SASS6: variants seen among roughly 807,000 people sequenced by gnomAD.
SASS6 encodes SAS-6 centriolar assembly protein.
Under a neutral mutation model 94.9 loss-of-function variants are expected in SASS6, and 59 were observed. The ratio of observed to expected loss-of-function variants is 0.62; its 90% CI spans 0.50 to 0.77. The LOEUF (loss-of-function observed/expected upper bound fraction) is 0.77, where lower values mean the gene tolerates loss of function less well. Ranked by LOEUF, SASS6 falls within the 30% of genes least tolerant of loss-of-function variation. The pLI is 0.00. For synonymous variants in SASS6, 264 were observed against 270.0 expected (o/e 0.98, Z 0.22); for missense variants, 698 against 734.1 (o/e 0.95, Z 0.57).
Position 100,121,500 on chromosome 1 carries a change from C to G in SASS6, c.361G>C (p.Ala121Pro), listed in dbSNP as rs1386972714. ...SPAAILDNSP[A>P]FLNVVETNPF... ...TTTGTCTCTACCACATTTAAAAATGCAGGTGAGTTATCCAAAATAGCTGCT... is the reference window on the plus strand; with the variant it reads ...TTTGTCTCTACCACATTTAAAAATGGAGGTGAGTTATCCAAAATAGCTGCT... The change falls in exon 5 of 17, where the codon GCA (alanine) becomes CCA (proline). Residue 121 changes from alanine to proline, a missense_variant. Coordinates refer to ENST00000287482, the MANE Select transcript of SASS6 (RefSeq NM_194292.3). 6.3e-7 allele frequency: 1 copy of G among 1,598,596 alleles called. No homozygotes were observed.
chr1:100,088,728 A>G (rs1312294011), intron 14 of SASS6, among the ~76,000 whole-genome samples: 1 of 151,978 alleles, frequency 6.6e-6, no homozygotes, highest in African/African-American at 2.4e-5. Context: ...GTAGTCCCAG[A>G]TATATGAGAG....
At chr1:100,117,228 G>GTTGCAA (rs1263315277) in intron 7 of SASS6, among the ~76,000 whole-genome samples, 2 of 150,890 alleles carry the variant, frequency 1.3e-5, no homozygotes, top group African/African-American at 2.4e-5. Context: ...GGAGGCAAAG[G>GTTGCAA]TTGCAATGAG....
At chr1:100,105,532 AAAAAC>A (rs1053664209) in intron 13 of SASS6, among the ~76,000 whole-genome samples, 4 of 152,224 alleles carry the variant, frequency 2.6e-5, no homozygotes, top group African/African-American at 4.8e-5. Context: ...ATCTCAAAAA[AAAAAC>A]AAAACAAAAC....
At chr1:100,107,120 G>A (rs1446578400) in intron 11 of SASS6, 127 bp from the exon 12 acceptor site, 1 of 606,816 alleles carries the variant, frequency 1.6e-6, no homozygotes, top group Non-Finnish European at 2.9e-6. Context: ...TGAGAATAAA[G>A]GAATTAGCTC....
In SASS6 at chr1:100,121,513, C is replaced by T. The variant is rs1654196596; in HGVS notation, c.348G>A (p.Leu116=). ...CATTTAAAAATGCAGGTGAGTTATC[C>T]AAAATAGCTGCTGGAGAAACTAACT... ...LLQLVSPAAI[L]DNSPAFLNVV... Residue 116 remains leucine (L), a synonymous_variant, in exon 5 of 17, where the codon TTG becomes TTA. Transcript: ENST00000287482. The T allele has an allele frequency of 1.3e-6, 2 of 1,599,166 alleles. No individual in the cohort carries two copies. The highest frequency in any genetic ancestry group is 1.7e-6 in the Non-Finnish European group (2 of 1,171,080).
chr1:100,117,914 GAAGA>G (rs1400636401), intron 7 of SASS6, among the ~76,000 whole-genome samples: 1 of 148,932 alleles, frequency 6.7e-6, no homozygotes, highest in Non-Finnish European at 1.5e-5. Flanking sequence ...ATAATCCATA[GAAGA>G]AATAAAAATG....
At chr1:100,092,931 A>T (rs1254109090) in intron 14 of SASS6, among the ~76,000 whole-genome samples, 2 of 152,120 alleles carry the variant, frequency 1.3e-5, no homozygotes, top group East Asian at 1.9e-4. Context: ...AGATTGTCTG[A>T]TAATGTCTCC....
chr1:100,112,566 T>C (rs1322614359), intron 7 of SASS6, among the ~76,000 whole-genome samples: 1 of 152,172 alleles, frequency 6.6e-6, no homozygotes, highest in Admixed American at 6.5e-5. Context: ...CCTATTAAAA[T>C]GCCTTAAAGA....
Position 100,088,166 on chromosome 1 carries a change from C to T in SASS6, c.1745G>A (p.Ser582Asn). The T allele has an allele frequency of 1.3e-6, 2 of 1,599,810 alleles. No individual in the cohort carries two copies. Among genetic ancestry groups the T allele is most frequent in the Non-Finnish European group, 1.7e-6 (2 of 1,167,342 alleles). ...TTCCTTATCAGTTGAGCAAGGCATA[C>T]TAATAGTTGCTCCTGACTGAACATC... ...LGDVQSGATI[S>N]MPCSTDKENG... The change falls in exon 15 of 17, where the codon AGT becomes AAT. Residue 582 changes from serine (S) to asparagine (N), a missense_variant. Coordinates refer to ENST00000287482, the MANE Select transcript of SASS6 (RefSeq NM_194292.3).
At chr1:100,088,005 T>G (rs1348388045) in intron 15 of SASS6, 134 bp downstream of exon 15, 6 of 491,578 alleles carry the variant, frequency 1.2e-5, no homozygotes, top group Non-Finnish European at 2.2e-5. Flanking sequence ...TAATTCAACT[T>G]AAATTCCAAT....
chr1:100,105,973 T>A, intron 12 of SASS6, 70 bp from the exon 13 acceptor site: 1 of 1,003,236 alleles, frequency 1.0e-6, no homozygotes, highest in Non-Finnish European at 1.4e-6. Context: ...CTTAAACATT[T>A]AAAAATTATA....
Position 100,110,415 on chromosome 1 carries a change from G to A in SASS6, c.738C>T (p.Asn246=). The change falls in exon 8 of 17, where the codon AAC becomes AAT. Residue 246 remains asparagine (N), a synonymous_variant. Coordinates refer to ENST00000287482, the MANE Select transcript of SASS6 (RefSeq NM_194292.3). ...ACAGTCTGTTTTGTAGCTGGTGGAT[G>A]TTTTGTTGATGGAGGATTTCTAAAT... ...KKDLEILHQQ[N]IHQLQNRLSE... The A allele has an allele frequency of 1.9e-6, 3 of 1,611,170 alleles. No homozygotes were observed. The highest frequency in any genetic ancestry group is 2.5e-6 in the Non-Finnish European group (3 of 1,177,746).
At position 100,122,547 on chromosome 1, in the gene SASS6, G is replaced by GT. The variant is rs1360471500; in HGVS notation, c.207-64_207-63insA. The stretch of plus-strand genomic sequence containing the variant: ...TTAATTAACTTTGTTTTGTTTTGGT[G>GT]CCTTTTTTTTTTTTTTTTTTTTTGA... On this transcript the variant is annotated intron_variant, in intron 3 of 16. Coordinates refer to ENST00000287482, the MANE Select transcript of SASS6 (RefSeq NM_194292.3). 2.4e-5 allele frequency: 10 copies of GT among 423,016 alleles called. No individual in the cohort carries two copies. In the East Asian group the frequency reaches 2.8e-4, roughly 12 times the overall value. The allele number at this position is 423,016 out of a possible 1,614,324, so 26.2% of individuals were successfully genotyped here.
intron 13 of SASS6, among the ~76,000 whole-genome samples, chr1:100,103,304 T>C (rs1358869011): frequency 6.6e-6 from 1 of 152,162 alleles, no homozygotes; most frequent in Non-Finnish European, 1.5e-5. Flanking sequence ...TGTGCAAGCT[T>C]GGATAAAACA....
intron 7 of SASS6, among the ~76,000 whole-genome samples, chr1:100,111,144 A>T (rs1196005501): frequency 1.3e-5 from 2 of 152,032 alleles, no homozygotes; most frequent in African/African-American, 4.8e-5. Context: ...TGTGGTTATC[A>T]AAGTTATACA....
chr1:100,113,818 T>A (rs1413046093), intron 7 of SASS6, among the ~76,000 whole-genome samples: 2 of 151,996 alleles, frequency 1.3e-5, no homozygotes, highest in Non-Finnish European at 2.9e-5. Context: ...ATGGAGATTT[T>A]AAAAATCACA....
chr1:100,098,093 T>A (rs929552812), intron 14 of SASS6, among the ~76,000 whole-genome samples: 1 of 152,202 alleles, frequency 6.6e-6, no homozygotes, highest in Non-Finnish European at 1.5e-5. Flanking sequence ...TTTTATGGTA[T>A]GTAAATTCTA....
Position 100,084,538 on chromosome 1 carries a change from ATAG to A in SASS6, c.*787_*789del, listed in dbSNP as rs1367857681. Reference sequence around the variant, plus strand: ...ATAAAAATAAATGAATATTCATGATATAGTAGATTTAGTAGTAGTACCAAGTTT... The same window carrying A: ...ATAAAAATAAATGAATATTCATGATATAGATTTAGTAGTAGTACCAAGTTT... On this transcript the variant is annotated 3_prime_UTR_variant, in exon 17 of 17. Coordinates refer to ENST00000287482, the MANE Select transcript of SASS6 (RefSeq NM_194292.3). The A allele has an allele frequency of 1.3e-5, 2 of 152,130 alleles. No individual in the cohort carries two copies. The highest frequency in any genetic ancestry group is 2.4e-5 in the African/African-American group (1 of 41,444). 9.4% of individuals were successfully genotyped at this position (152,130 alleles called of 1,614,324 possible).
Position 100,110,446 on chromosome 1 carries a change from TTC to T in SASS6, c.705_706del (p.Lys237ArgfsTer19), listed in dbSNP as rs867344978. ...TTGATGGAGGATTTCTAAATCTTTT[TTC>T]TGTTGTTCATGCTGCTGTTGATATT... On this transcript the variant is annotated frameshift_variant, in exon 8 of 17. Coordinates refer to ENST00000287482, the MANE Select transcript of SASS6 (RefSeq NM_194292.3). LOFTEE classifies it high-confidence loss of function. 5 of 1,610,582 alleles carry T rather than the reference TTC, an allele frequency of 3.1e-6. No individual in the cohort carries two copies. The highest frequency in any genetic ancestry group is 4.2e-6 in the Non-Finnish European group (5 of 1,178,098).
Sources: allele counts gnomAD v4.1 joint callset (sites outside exome capture counted in the v4.1 genomes callset), GRCh38; gene constraint gnomAD v4.1.1; transcripts MANE v1.5; gene names NCBI Gene and HGNC (gene_info 2026-07-23, HGNC 2026-07-21).